SAMD5: variants seen among roughly 807,000 people sequenced by gnomAD.
SAMD5 encodes sterile alpha motif domain-containing protein 5.
SAMD5 carries 13 observed loss-of-function variants against 11.3 expected under a neutral mutation model. The ratio of observed to expected loss-of-function variants is 1.15; its 90% CI spans 0.75 to 1.83. The LOEUF (loss-of-function observed/expected upper bound fraction) is 1.83, where lower values mean the gene tolerates loss of function less well. Among genes scored for constraint, SAMD5 ranks in the 40% most tolerant of loss-of-function variants. The pLI, the probability that SAMD5 is intolerant of heterozygous loss-of-function variation, is 0.00. For missense variants in SAMD5, 255 were observed against 239.1 expected (o/e 1.07, Z -0.44); for synonymous variants, 129 against 111.3 (o/e 1.16, Z -1.00).
At chr6:147,559,628 C>T (rs963109016) in intron 1 of SAMD5, among the ~76,000 whole-genome samples, 3 of 152,034 alleles carry the variant, frequency 2.0e-5, no homozygotes, top group Non-Finnish European at 2.9e-5. Context: ...AAGGACACAC[C>T]TCGGAGGAAG....
intron 1 of SAMD5, among the ~76,000 whole-genome samples, chr6:147,729,543 CAAAG>C (rs1050565223): frequency 3.3e-5 from 5 of 151,386 alleles, no homozygotes; most frequent in Admixed American, 6.6e-5. Flanking sequence ...GGACAAGAAA[CAAAG>C]AACAACAAAA....
chr6:147,661,966 T>C (rs958604422), intron 1 of SAMD5, among the ~76,000 whole-genome samples: 1 of 152,240 alleles, frequency 6.6e-6, no homozygotes, highest in African/African-American at 2.4e-5. Flanking sequence ...TGCTTGCCAC[T>C]TAATTTAAGT....
At chr6:147,870,786 G>GAA in the SAMD5 span, among the ~76,000 whole-genome samples, 5 of 111,438 alleles carry the variant, frequency 4.5e-5, no homozygotes. Flanking sequence ...AGAAAGAAAA[G>GAA]AAAAAAGGGA....
At chr6:147,767,066 G>A in the SAMD5 span, among the ~76,000 whole-genome samples, 11 of 152,192 alleles carry the variant, frequency 7.2e-5, no homozygotes, top group Non-Finnish European at 1.5e-4. Context: ...TTGTTATAGT[G>A]ATATAAATGG....
chr6:147,577,140 C>A (rs1233309187), intron 1 of SAMD5, among the ~76,000 whole-genome samples: 4 of 152,194 alleles, frequency 2.6e-5, no homozygotes, highest in Non-Finnish European at 5.9e-5. Context: ...GGAATTTGTA[C>A]TTCACAGTGA....
chr6:147,728,191 C>T (rs1000700265), intron 1 of SAMD5, among the ~76,000 whole-genome samples: 5 of 152,092 alleles, frequency 3.3e-5, no homozygotes, highest in African/African-American at 2.4e-5. Flanking sequence ...TTTGGGAGAA[C>T]GAGGTGGGCA....
chr6:147,687,789 A>G (rs569551111), intron 1 of SAMD5, among the ~76,000 whole-genome samples: 2 of 152,322 alleles, frequency 1.3e-5, no homozygotes, highest in African/African-American at 4.8e-5. Flanking sequence ...TGGCTTGCAT[A>G]GTTTCTGCTG....
the SAMD5 span, among the ~76,000 whole-genome samples, chr6:147,794,383 T>A: frequency 6.6e-6 from 1 of 152,172 alleles, no homozygotes; most frequent in Non-Finnish European, 1.5e-5. Context: ...TAAACTCACA[T>A]AATTGTCTAC....
intron 1 of SAMD5, among the ~76,000 whole-genome samples, chr6:147,725,701 A>C (rs1473804012): frequency 6.6e-6 from 1 of 152,058 alleles, no homozygotes; most frequent in African/African-American, 2.4e-5. Flanking sequence ...ACCTGTCTTT[A>C]AAAGGAGAAC....
chr6:147,691,515 A>G (rs539846994), intron 1 of SAMD5, among the ~76,000 whole-genome samples: 1 of 152,132 alleles, frequency 6.6e-6, no homozygotes, highest in South Asian at 2.1e-4. Context: ...GTAATGCTTG[A>G]CTTATAAAGT....
At chr6:147,923,435 A>C in the SAMD5 span, among the ~76,000 whole-genome samples, 1 of 152,210 alleles carries the variant, frequency 6.6e-6, no homozygotes, top group Non-Finnish European at 1.5e-5. Flanking sequence ...TGAATGAATC[A>C]ATGAGAATGT....
rs1339023297 is a variant in SAMD5, at chr6:147,681,581, C to T, written c.163-55736C>T. On this transcript the variant is annotated intron_variant, in intron 1 of 1. Transcript: ENST00000566741. Reference sequence around the variant, plus strand: ...TGGATTTTGTTTTCTTGCTTCTTTACATGCCTGGTAAATATTTTATTGAAT... The same window carrying T: ...TGGATTTTGTTTTCTTGCTTCTTTATATGCCTGGTAAATATTTTATTGAAT... 3.9e-5 allele frequency among the ~76,000 whole-genome samples: 6 copies of T among 152,124 alleles called. No individual in the cohort carries two copies. The East Asian group carries it at 9.6e-4, about 24-fold the overall frequency.
At position 147,515,176 on chromosome 6, in the gene SAMD5, G is replaced by GTTTTTTTTTTTT. The variant is rs71031029; in HGVS notation, c.459+5809_459+5820dup. Among the ~76,000 whole-genome samples, 9 of 75,036 alleles carry GTTTTTTTTTTTT rather than the reference G, an allele frequency of 1.2e-4. 1 individual carries two copies. The highest frequency in any genetic ancestry group is 2.3e-4 in the Non-Finnish European group (9 of 39,912). The allele number at this position is 75,036 out of a possible 152,430, so 49.2% of individuals were successfully genotyped here. A position where few individuals can be genotyped will look rare whatever the true frequency, so the allele number is the denominator to read the frequency against. ...ATACCCTCAACCTATATCCTTCCAG[G>GTTTTTTTTTTTT]TTTTTTTTTTTTTTTTTTTTTTTTT... On this transcript the variant is annotated intron_variant, in intron 1 of 1. Transcript: ENST00000367474.
At chr6:147,842,161 A>T in the SAMD5 span, among the ~76,000 whole-genome samples, 1 of 152,140 alleles carries the variant, frequency 6.6e-6, no homozygotes, top group East Asian at 1.9e-4. Flanking sequence ...GGGAGAAAAA[A>T]TTAACGACTG....
chr6:147,919,638 G>T, the SAMD5 span, among the ~76,000 whole-genome samples: 3 of 152,280 alleles, frequency 2.0e-5, no homozygotes, highest in Admixed American at 6.5e-5. Flanking sequence ...CCTTTGGAAG[G>T]CCTGACCATA....
chr6:147,776,313 T>C, the SAMD5 span, among the ~76,000 whole-genome samples: 2 of 152,220 alleles, frequency 1.3e-5, no homozygotes, highest in Non-Finnish European at 2.9e-5. Context: ...ATTTTCTAGC[T>C]GCTTACAGGT....
chr6:147,829,487 T>C, the SAMD5 span, among the ~76,000 whole-genome samples: 1 of 152,250 alleles, frequency 6.6e-6, no homozygotes, highest in Non-Finnish European at 1.5e-5. Context: ...ATGATTTTTT[T>C]CTGAAATGAT....
chr6:147,796,072 T>G, the SAMD5 span, among the ~76,000 whole-genome samples: 20 of 149,076 alleles, frequency 1.3e-4, no homozygotes, highest in Non-Finnish European at 1.9e-4. Context: ...TTAGTTTAAT[T>G]AGATCCCATT....
At chr6:147,754,030 C>T in the SAMD5 span, among the ~76,000 whole-genome samples, 102 of 152,140 alleles carry the variant, frequency 6.7e-4, 3 homozygotes, top group South Asian at 0.019. Context: ...GATGTCTCTC[C>T]GATATACTGA....
Sources: gnomAD v4.1 joint callset for allele counts (sites outside exome capture counted in the v4.1 genomes callset) on GRCh38, gnomAD v4.1.1 for gene constraint, MANE v1.5 for transcripts, NCBI Gene and HGNC (gene_info 2026-07-23, HGNC 2026-07-21) for gene names.